The following PFKL variants were observed in gnomAD, a reference collection of about 807,000 sequenced individuals.
PFKL encodes ATP-dependent 6-phosphofructokinase, liver type.
A neutral mutation model predicts 92.1 loss-of-function variants in PFKL; 74 were observed. That is an observed-to-expected ratio of 0.80 (90% CI 0.67 to 0.97). The LOEUF is 0.97. Among genes scored for constraint, PFKL ranks in the 50% least tolerant of loss-of-function variants. The probability of loss-of-function intolerance (pLI) is 0.00; values close to 1 mark genes in which losing one functional copy is unlikely to be tolerated. For missense variants in PFKL, 1,028 were observed against 1,116.6 expected (o/e 0.92, Z 1.13); for synonymous variants, 494 against 456.4 (o/e 1.08, Z -1.05).
At chr21:44,324,761 C>G in intron 17 of PFKL, 95 bp from the exon 18 acceptor site, 1 of 1,569,426 alleles carries the variant, frequency 6.4e-7, no homozygotes, top group African/African-American at 1.3e-5. Context: ...AGGTGGGACG[C>G]GTAGCCCAGT....
intron 5 of PFKL, 96 bp downstream of exon 5, chr21:44,313,239 G>C: frequency 7.3e-7 from 1 of 1,363,410 alleles, no homozygotes; most frequent in Non-Finnish European, 1.0e-6. Context: ...AAGGGCAGTG[G>C]ACTCTGGTAG....
intron 13 of PFKL, 61 bp downstream of exon 13, chr21:44,321,936 T>G: frequency 6.6e-7 from 1 of 1,508,654 alleles, no homozygotes. Context: ...ACTTGGGGCA[T>G]TTCCTGTGGA....
At chr21:44,316,179 C>G in intron 7 of PFKL, 65 bp from the exon 8 acceptor site, 1 of 1,498,790 alleles carries the variant, frequency 6.7e-7, no homozygotes. Flanking sequence ...TCCTGGCACC[C>G]GGGGGCTGTG....
chr21:44,301,574 G>A (rs1008087035), intron 1 of PFKL, among the ~76,000 whole-genome samples: 1 of 152,194 alleles, frequency 6.6e-6, no homozygotes. Flanking sequence ...GTGGCCTGGT[G>A]GGTTGTGGGC....
chr21:44,319,369 G>A lies in PFKL; in HGVS notation c.1081G>A (p.Ala361Thr). The change falls in exon 11 of 22, where the codon GCC becomes ACC. Residue 361 changes from alanine (A) to threonine (T), a missense_variant. By Grantham distance (58) the Ala-to-Thr change is moderately conservative. Transcript: ENST00000349048. The stretch of plus-strand genomic sequence containing the variant: ...CCTTAAGACCAAGGAAGTGCAGAAA[G>A]CCATGGATGACAAGAGGTTTGACGA... ...CVQMTKEVQK[A>T]MDDKRFDEAT... 1.2e-6 allele frequency: 2 copies of A among 1,613,782 alleles called. No homozygotes were observed. The highest frequency in any genetic ancestry group is 1.7e-6 in the Non-Finnish European group (2 of 1,179,884).
At chr21:44,322,327 T>A in intron 14 of PFKL, 124 bp downstream of exon 14, 2 of 886,924 alleles carry the variant, frequency 2.3e-6, no homozygotes, top group Non-Finnish European at 1.7e-6. Flanking sequence ...TTCCTGCTGG[T>A]GGTCTGCCCA....
At chr21:44,308,063 G>A (rs1283319396) in intron 2 of PFKL, among the ~76,000 whole-genome samples, 1 of 152,326 alleles carries the variant, frequency 6.6e-6, no homozygotes, top group East Asian at 1.9e-4. Context: ...GAAGCCGAGG[G>A]GTACAGGGAC....
chr21:44,307,265 G>T, intron 2 of PFKL: 59 of 985,314 alleles, frequency 6.0e-5, no homozygotes, highest in Non-Finnish European at 7.0e-5. Flanking sequence ...CGCAGGAGCA[G>T]CGGATGCCCT....
Position 44,326,819 on chromosome 21 carries a change from A to G in PFKL, c.2300A>G (p.Glu767Gly), listed in dbSNP as rs2047528124. The change falls in exon 22 of 22, where the codon GAG becomes GGG. Residue 767 changes from glutamate (E) to glycine (G), a missense_variant. Glu to Gly is a moderately conservative substitution (Grantham distance 98). Transcript: ENST00000349048. Reference protein sequence around the residue: ...SMAAYVSGELEHVTRRTLSMD... With the variant: ...SMAAYVSGELGHVTRRTLSMD... ...GCCGCCTACGTGTCAGGGGAGCTGG[A>G]GCACGTGACCCGCCGCACCCTGAGC... 6.2e-7 allele frequency: 1 copy of G among 1,604,468 alleles called. No individual in the cohort carries two copies. Among genetic ancestry groups the G allele is most frequent in the Non-Finnish European group, 8.5e-7 (1 of 1,175,534 alleles).
At chr21:44,322,254 TCCAGG>T (rs749048173) in intron 14 of PFKL, 51 bp downstream of exon 14, 6 of 1,525,386 alleles carry the variant, frequency 3.9e-6, no homozygotes, top group African/African-American at 2.7e-5. Context: ...GGGCGCAGTA[TCCAGG>T]CCCTGCAGGT....
At chr21:44,326,333 G>A in intron 21 of PFKL, 69 bp downstream of exon 21, 2 of 1,191,536 alleles carry the variant, frequency 1.7e-6, no homozygotes, top group Non-Finnish European at 2.4e-6. Context: ...CCTGAGGCAG[G>A]TGTGCCAGGC....
At chr21:44,307,252 C>T (rs893646577) in intron 2 of PFKL, 21 of 984,452 alleles carry the variant, frequency 2.1e-5, no homozygotes, top group Non-Finnish European at 2.4e-5. Context: ...TTCATTGTGT[C>T]CCCGCAGGAG....
At chr21:44,308,293 T>A (rs559975928) in intron 2 of PFKL, among the ~76,000 whole-genome samples, 1 of 152,192 alleles carries the variant, frequency 6.6e-6, no homozygotes, top group South Asian at 2.1e-4. Context: ...TCCCTGAATC[T>A]GCTGCCTAGT....
Position 44,300,089 on chromosome 21 carries a change from G to C in PFKL, c.-17G>C, listed in dbSNP as rs773921617. ...GGCGGCGGGAGTGCGAGCTGGGCCC[G>C]TGTTTCGGCCGCCGCCATGGCCGCG... On this transcript the variant is annotated 5_prime_UTR_variant, in exon 1 of 22. Coordinates refer to ENST00000349048, the MANE Select transcript of PFKL (RefSeq NM_002626.6). 9.8e-6 allele frequency: 11 copies of C among 1,119,806 alleles called. No homozygotes were observed. Among genetic ancestry groups the C allele is most frequent in the African/African-American group, 5.1e-5 (3 of 59,400 alleles). 69.4% of individuals were successfully genotyped at this position (1,119,806 alleles called of 1,614,324 possible).
chr21:44,300,264 C>T, intron 1 of PFKL, 74 bp downstream of exon 1: 1 of 704,866 alleles, frequency 1.4e-6, no homozygotes. Context: ...CCGGAGCGCC[C>T]GCCGAGCCCC....
At chr21:44,314,133 A>T in intron 7 of PFKL, 112 bp downstream of exon 7, 1 of 736,324 alleles carries the variant, frequency 1.4e-6, no homozygotes, top group Non-Finnish European at 2.3e-6. Context: ...TGGGTTCATC[A>T]GCAGCTGCAG....
Position 44,313,087 on chromosome 21 carries a change from C to T in PFKL, c.537C>T (p.Asp179=). ...GCACCGACATGACCATCGGCACGGACTCGGCCCTCCACCGCATCATGGAGG... is the reference window on the plus strand; with the variant it reads ...GCACCGACATGACCATCGGCACGGATTCGGCCCTCCACCGCATCATGGAGG... ...FCGTDMTIGT[D]SALHRIMEVI... Residue 179 remains aspartate, a synonymous_variant, in exon 5 of 22, where the codon GAC becomes GAT. Transcript: ENST00000349048. 3 of 1,613,134 alleles carry T rather than the reference C, an allele frequency of 1.9e-6. 1 individual carries two copies. The South Asian group carries it at 3.3e-5, about 18-fold the overall frequency.
chr21:44,313,828 G>A, intron 6 of PFKL, 85 bp from the exon 7 acceptor site: 2 of 1,324,572 alleles, frequency 1.5e-6, no homozygotes, highest in Non-Finnish European at 1.1e-6. Flanking sequence ...AGAAGCTGTG[G>A]CCCAGAGTCG....
chr21:44,303,820 T>C (rs2040848427), intron 1 of PFKL, among the ~76,000 whole-genome samples: 1 of 152,182 alleles, frequency 6.6e-6, no homozygotes, highest in African/African-American at 2.4e-5. Context: ...CCAGCCTTTT[T>C]TCCTGGGCAG....
Sources: allele counts gnomAD v4.1 joint callset (sites outside exome capture counted in the v4.1 genomes callset), GRCh38; gene constraint gnomAD v4.1.1; transcripts MANE v1.5; gene names NCBI Gene and HGNC (gene_info 2026-07-23, HGNC 2026-07-21).